The following CSMD1 variants were observed in gnomAD, a reference collection of about 807,000 sequenced individuals.
CSMD1 encodes CUB and Sushi multiple domains 1, also known as CUB and sushi domain-containing protein 1.
A neutral mutation model predicts 417.5 loss-of-function variants in CSMD1; 213 were observed. The ratio of observed to expected loss-of-function variants is 0.51; its 90% CI spans 0.46 to 0.57. CSMD1 has a LOEUF of 0.57. Among genes scored for constraint, CSMD1 ranks in the 20% least tolerant of loss-of-function variants. The pLI, the probability that CSMD1 is intolerant of heterozygous loss-of-function variation, is 0.00. For missense variants in CSMD1, 6,923 were observed against 4,529.7 expected, an observed-to-expected ratio of 1.53 and a Z score of -15.17; for synonymous variants, 2,862 against 1,736.8, an observed-to-expected ratio of 1.65 and a Z score of -16.11.
chr8:4,239,459 G>A (rs1277000507), intron 3 of CSMD1, among the ~76,000 whole-genome samples: 1 of 152,156 alleles, frequency 6.6e-6, no homozygotes, highest in East Asian at 1.9e-4. Context: ...AGCCATCAGT[G>A]CAAGGAGAGA....
At chr8:3,772,722 T>C (rs542570133) in intron 5 of CSMD1, among the ~76,000 whole-genome samples, 37 of 149,942 alleles carry the variant, frequency 2.5e-4, no homozygotes, top group Middle Eastern at 3.5e-3. Flanking sequence ...TATATATATA[T>C]ACACACACAT....
chr8:4,355,210 C>A (rs1309738913), intron 3 of CSMD1, among the ~76,000 whole-genome samples: 2 of 151,760 alleles, frequency 1.3e-5, no homozygotes, highest in South Asian at 2.1e-4. Flanking sequence ...TGCAATGATC[C>A]GAGATCGCGC....
intron 3 of CSMD1, among the ~76,000 whole-genome samples, chr8:4,409,280 G>A (rs909721394): frequency 6.6e-6 from 1 of 151,886 alleles, no homozygotes; most frequent in African/African-American, 2.4e-5. Context: ...CAGTGTTCTC[G>A]GCTTTGTGTT....
chr8:4,703,094 G>A (rs1280525385), intron 1 of CSMD1, among the ~76,000 whole-genome samples: 1 of 152,172 alleles, frequency 6.6e-6, no homozygotes. Flanking sequence ...ATTTGCATTT[G>A]AGTAATGTGG....
At chr8:3,447,811 A>T (rs1815396050) in intron 12 of CSMD1, among the ~76,000 whole-genome samples, 2 of 152,116 alleles carry the variant, frequency 1.3e-5, no homozygotes, top group Non-Finnish European at 2.9e-5. Context: ...GAGCAGGACC[A>T]CTTGGGGCCA....
At chr8:4,627,216 A>G (rs1036427528) in intron 2 of CSMD1, among the ~76,000 whole-genome samples, 3 of 152,174 alleles carry the variant, frequency 2.0e-5, no homozygotes, top group Non-Finnish European at 4.4e-5. Context: ...TAAATCAGCA[A>G]CAGACTTTGC....
intron 1 of CSMD1, among the ~76,000 whole-genome samples, chr8:4,719,025 G>A (rs7001671): frequency 1.3e-5 from 2 of 151,940 alleles, no homozygotes; most frequent in African/African-American, 2.4e-5. Context: ...AACAACTGAA[G>A]TTTATATTAT....
intron 3 of CSMD1, among the ~76,000 whole-genome samples, chr8:4,290,446 C>G (rs930978467): frequency 6.6e-6 from 1 of 152,110 alleles, no homozygotes; most frequent in Non-Finnish European, 1.5e-5. Flanking sequence ...CCATGCTGTT[C>G]TATGGGCAAT....
chr8:3,079,979 A>C (rs777870807), intron 49 of CSMD1, among the ~76,000 whole-genome samples: 2 of 152,210 alleles, frequency 1.3e-5, no homozygotes, highest in African/African-American at 2.4e-5. Flanking sequence ...ATCTCTATCT[A>C]AAAGGCCTGA....
chr8:4,901,941 C>G (rs1165724957), intron 1 of CSMD1, among the ~76,000 whole-genome samples: 1 of 152,136 alleles, frequency 6.6e-6, no homozygotes, highest in Non-Finnish European at 1.5e-5. Flanking sequence ...AGATATTGAT[C>G]TTCACAACCA....
intron 22 of CSMD1, 35 bp downstream of exon 22, chr8:3,347,957 C>A: frequency 1.4e-6 from 2 of 1,480,222 alleles, no homozygotes; most frequent in Non-Finnish European, 1.8e-6. Flanking sequence ...GAGAAGAAAA[C>A]TTGGAGTCAT....
intron 5 of CSMD1, among the ~76,000 whole-genome samples, chr8:3,870,293 A>G (rs1805392279): frequency 1.3e-5 from 2 of 152,300 alleles, no homozygotes; most frequent in African/African-American, 4.8e-5. Flanking sequence ...CAATATTTCC[A>G]CATTATATAT....
Position 3,408,126 on chromosome 8 carries a change from A to G in CSMD1, c.1844T>C (p.Ile615Thr), listed in dbSNP as rs903322554. ...GNNMNCVWLI[I>T]SEPGSRIHLI... ...GTGAATTCGACTTCCTGGCTCCGAG[A>G]TAATCAACCAGACACAGTTCATGTT... Residue 615 changes from isoleucine (I) to threonine (T), a missense_variant, in exon 14 of 70, where the codon ATC (isoleucine) becomes ACC (threonine). Physicochemically the swap from Ile to Thr is moderately conservative, Grantham distance 89 (BLOSUM62 -1). Transcript: ENST00000635120. 2 of 1,613,742 alleles carry G rather than the reference A, an allele frequency of 1.2e-6. No individual in the cohort carries two copies. The highest frequency in any genetic ancestry group is 2.2e-5 in the East Asian group (1 of 44,888).
At chr8:3,980,359 T>G (rs766645976) in intron 5 of CSMD1, among the ~76,000 whole-genome samples, 1 of 145,332 alleles carries the variant, frequency 6.9e-6, no homozygotes, top group Non-Finnish European at 1.5e-5. Flanking sequence ...GAATTTCAGC[T>G]TTAACGCGGT....
At chr8:3,376,345 A>G (rs1315762849) in intron 18 of CSMD1, among the ~76,000 whole-genome samples, 1 of 152,102 alleles carries the variant, frequency 6.6e-6, no homozygotes, top group Non-Finnish European at 1.5e-5. Context: ...GTCTGAAAAC[A>G]TATTTGAATT....
chr8:4,864,897 A>ACACAAAC (rs1554505482), intron 1 of CSMD1, among the ~76,000 whole-genome samples: 44 of 50,480 alleles, frequency 8.7e-4, no homozygotes, highest in Non-Finnish European at 2.2e-3. Flanking sequence ...CACACACACA[A>ACACAAAC]ACACACACAC....
At chr8:3,684,108 A>G (rs1192913747) in intron 7 of CSMD1, among the ~76,000 whole-genome samples, 1 of 144,732 alleles carries the variant, frequency 6.9e-6, no homozygotes, top group Non-Finnish European at 1.5e-5. Context: ...GATATTATAT[A>G]TTATATAATA....
At chr8:4,064,395 A>G (rs1014616429) in intron 3 of CSMD1, among the ~76,000 whole-genome samples, 1 of 152,128 alleles carries the variant, frequency 6.6e-6, no homozygotes, top group Non-Finnish European at 1.5e-5. Flanking sequence ...TTCTCCCTCA[A>G]TGTTGAGAAG....
intron 3 of CSMD1, among the ~76,000 whole-genome samples, chr8:4,182,245 G>C (rs1038795369): frequency 6.6e-6 from 1 of 151,974 alleles, no homozygotes; most frequent in Non-Finnish European, 1.5e-5. Flanking sequence ...AGAAAAAAAC[G>C]GAATATATCT....
Sources: gnomAD v4.1 joint callset for allele counts (sites outside exome capture counted in the v4.1 genomes callset) on GRCh38, gnomAD v4.1.1 for gene constraint, MANE v1.5 for transcripts, NCBI Gene and HGNC (gene_info 2026-07-23, HGNC 2026-07-21) for gene names.